Variants in NDUFAF7 observed in about 807,000 individuals in gnomAD.
The protein encoded by NDUFAF7 is protein arginine methyltransferase NDUFAF7, mitochondrial.
A neutral mutation model predicts 47.2 loss-of-function variants in NDUFAF7; 48 were observed. That is an observed-to-expected ratio of 1.02 (90% CI 0.81 to 1.29). The LOEUF (loss-of-function observed/expected upper bound fraction) is 1.29. Among genes scored for constraint, NDUFAF7 ranks in the 50% most tolerant of loss-of-function variants. NDUFAF7 has a pLI of 0.00. For missense variants in NDUFAF7, 635 were observed against 537.6 expected (o/e 1.18, Z -1.79); for synonymous variants, 217 against 190.0 (o/e 1.14, Z -1.17).
intron 1 of NDUFAF7, 82 bp from the exon 2 acceptor site, chr2:37,232,024 C>T: frequency 6.2e-7 from 1 of 1,609,246 alleles, no homozygotes. Context: ...GTTCACGAAG[C>T]TGTTTTGAAA....
downstream of NDUFAF7, among the ~76,000 whole-genome samples, chr2:37,257,666 CAA>C (rs1491483662): frequency 1.6e-5 from 1 of 62,402 alleles, no homozygotes; most frequent in African/African-American, 3.9e-5. Flanking sequence ...GACTCTGTCT[CAA>C]AAGAAAAAAA....
chr2:37,269,212 T>G, the NDUFAF7 span: 1 of 193,132 alleles, frequency 5.2e-6, no homozygotes, highest in East Asian at 1.2e-4. Flanking sequence ...GGTTCAGGTT[T>G]TCAGACTTAA....
At chr2:37,267,655 T>C in the NDUFAF7 span, 204 of 775,424 alleles carry the variant, frequency 2.6e-4, 3 homozygotes, top group East Asian at 4.2e-3. Context: ...CTCATTTTTG[T>C]TCTTTCTCCA....
downstream of NDUFAF7, chr2:37,252,353 G>T (rs1212451920): frequency 6.6e-6 from 1 of 152,188 alleles, no homozygotes; most frequent in East Asian, 1.9e-4. Context: ...CATCAAGATG[G>T]TGTCAGTCAG....
the NDUFAF7 span, chr2:37,268,915 C>A: frequency 6.5e-6 from 1 of 152,930 alleles, no homozygotes; most frequent in Non-Finnish European, 1.5e-5. Flanking sequence ...ATACTAATAT[C>A]AGATGTGAAT....
chr2:37,244,599 G>T (rs559798605), intron 7 of NDUFAF7, among the ~76,000 whole-genome samples: 25 of 152,174 alleles, frequency 1.6e-4, no homozygotes, highest in African/African-American at 5.5e-4. Flanking sequence ...TCTCAGGAAC[G>T]TCCAGGCTTC....
chr2:37,255,760 C>G (rs1210349959), downstream of NDUFAF7, among the ~76,000 whole-genome samples: 3 of 152,272 alleles, frequency 2.0e-5, no homozygotes, highest in East Asian at 3.9e-4. Context: ...AATCCCAGCA[C>G]TTTGGGAGGT....
chr2:37,239,409 G>A (rs189210810), intron 4 of NDUFAF7, among the ~76,000 whole-genome samples: 2 of 152,182 alleles, frequency 1.3e-5, no homozygotes, highest in Admixed American at 6.5e-5. Context: ...ATGAGCCCCC[G>A]TACCCAGCCT....
chr2:37,254,736 C>T (rs143096307), downstream of NDUFAF7, among the ~76,000 whole-genome samples: 394 of 152,280 alleles, frequency 2.6e-3, 1 homozygote, highest in African/African-American at 8.8e-3. Context: ...TGATCCTCCC[C>T]ACCCCGCTCC....
chr2:37,232,044 C>A (rs1018797410), intron 1 of NDUFAF7, 62 bp from the exon 2 acceptor site: 2 of 1,612,724 alleles, frequency 1.2e-6, no homozygotes, highest in East Asian at 2.2e-5. Context: ...AACGCTCAGG[C>A]GGCTTGCGCT....
the NDUFAF7 span, chr2:37,269,339 C>A: frequency 7.6e-6 from 3 of 397,254 alleles, no homozygotes; most frequent in South Asian, 2.8e-5. Flanking sequence ...CCATCTCCCC[C>A]CCTGCCTCCG....
chr2:37,260,017 T>A, the NDUFAF7 span, among the ~76,000 whole-genome samples: 1 of 152,024 alleles, frequency 6.6e-6, no homozygotes, highest in South Asian at 2.1e-4. Flanking sequence ...ATACAAAAAT[T>A]AGCCAGGCGT....
downstream of NDUFAF7, among the ~76,000 whole-genome samples, chr2:37,249,353 C>G (rs1341759068): frequency 6.6e-6 from 1 of 151,946 alleles, no homozygotes; most frequent in African/African-American, 2.4e-5. Context: ...TAAATCTTGA[C>G]ATGTAGTTCA....
chr2:37,267,027 C>G, the NDUFAF7 span, among the ~76,000 whole-genome samples: 1 of 152,022 alleles, frequency 6.6e-6, no homozygotes, highest in African/African-American at 2.4e-5. Context: ...ATCGACTAAG[C>G]CATTACAAAA....
At chr2:37,260,198 TAAAA>T in the NDUFAF7 span, 1 of 1,185,906 alleles carries the variant, frequency 8.4e-7, no homozygotes, top group Non-Finnish European at 1.2e-6. Flanking sequence ...ATCGCTAGTT[TAAAA>T]AAAAAAAGGA....
At chr2:37,263,203 G>A in the NDUFAF7 span, among the ~76,000 whole-genome samples, 5 of 152,050 alleles carry the variant, frequency 3.3e-5, no homozygotes, top group Admixed American at 2.0e-4. Flanking sequence ...GTACAAAGGC[G>A]CTGATATATA....
rs1387512244 is a variant in NDUFAF7, at chr2:37,236,187, A to G, written c.297+11A>G. 2 of 1,561,530 alleles carry G rather than the reference A, an allele frequency of 1.3e-6. No homozygotes were observed. Among genetic ancestry groups the G allele is most frequent in the Admixed American group, 1.7e-5 (1 of 59,932 alleles). On this transcript the variant is annotated intron_variant, in intron 3 of 9. Coordinates refer to ENST00000002125, the MANE Select transcript of NDUFAF7 (RefSeq NM_144736.5). Reference sequence around the variant, plus strand: ...CAAATCTTTGGGGAGGTAATATACTATGTAAAGTATGAATGAAGCTAATAT... The same window carrying G: ...CAAATCTTTGGGGAGGTAATATACTGTGTAAAGTATGAATGAAGCTAATAT...
Position 37,232,194 on chromosome 2 carries a change from G to C in NDUFAF7, c.144G>C (p.Met48Ile). 6.2e-7 allele frequency: 1 copy of C among 1,614,156 alleles called. No homozygotes were observed. Among genetic ancestry groups the C allele is most frequent in the Non-Finnish European group, 8.5e-7 (1 of 1,180,036 alleles). The change falls in exon 2 of 10, where the codon ATG (methionine) becomes ATC (isoleucine). Residue 48 changes from methionine (M) to isoleucine (I), a missense_variant. By Grantham distance (10) the Met-to-Ile change is conservative. Transcript: ENST00000002125. ...TGACGCCGATGCTGCGGCATCTTAT[G>C]TACAAAATAAAGTCTACTGGTCCCA... is the stretch of plus-strand genomic sequence containing the variant. ...NPVTPMLRHL[M>I]YKIKSTGPIT...
chr2:37,249,950 A>C (rs1667345547), downstream of NDUFAF7, among the ~76,000 whole-genome samples: 1 of 151,698 alleles, frequency 6.6e-6, no homozygotes, highest in Non-Finnish European at 1.5e-5. Flanking sequence ...CATTCTGTCC[A>C]CACTACATGG....
Sources: gnomAD v4.1 joint callset for allele counts (sites outside exome capture counted in the v4.1 genomes callset) on GRCh38, gnomAD v4.1.1 for gene constraint, MANE v1.5 for transcripts, NCBI Gene and HGNC (gene_info 2026-07-23, HGNC 2026-07-21) for gene names.